The following ATAD5 variants were observed in gnomAD, a reference collection of about 807,000 sequenced individuals.
ATAD5 encodes the protein ATPase family AAA domain-containing protein 5.
A neutral mutation model predicts 176.9 loss-of-function variants in ATAD5; 58 were observed. The observed-to-expected ratio is 0.33, with a 90% CI of 0.27 to 0.41. The LOEUF (loss-of-function observed/expected upper bound fraction) is 0.41. ATAD5 is among the 10% of genes least tolerant of loss of function. The pLI, the probability that ATAD5 is intolerant of heterozygous loss-of-function variation, is 1.00. For synonymous variants in ATAD5, 640 were observed against 712.6 expected (o/e 0.90, Z 1.62); for missense variants, 1,789 against 2,094.1 (o/e 0.85, Z 2.84).
chr17:30,880,406 T>G (rs1426063930), intron 18 of ATAD5, among the ~76,000 whole-genome samples: 1 of 151,980 alleles, frequency 6.6e-6, no homozygotes, highest in South Asian at 2.1e-4. Flanking sequence ...GTCGGGAGTT[T>G]GAGACCAGCC....
At chr17:30,878,723 T>TTTG (rs1471076094) in intron 17 of ATAD5, among the ~76,000 whole-genome samples, 2 of 82,550 alleles carry the variant, frequency 2.4e-5, no homozygotes, top group Non-Finnish European at 2.3e-5. Context: ...GTGGTGTTTT[T>TTTG]TTTTTTTTTT....
chr17:30,844,858 T>C lies in ATAD5; in HGVS notation c.2392T>C (p.Phe798Leu). Reference protein sequence around the residue: ...VPGKMKVAPLFLVRKAQKAAD... With the variant: ...VPGKMKVAPLLLVRKAQKAAD... The stretch of plus-strand genomic sequence containing the variant: ...AGGAAAAATGAAAGTCGCTCCTTTA[T>C]TTCTTGTCAGAAAAGCACAAAAAGC... The change falls in exon 6 of 23, where the codon TTT becomes CTT. Residue 798 changes from phenylalanine to leucine, a missense_variant. By Grantham distance (22) the Phe-to-Leu change is conservative. Coordinates refer to ENST00000321990, the MANE Select transcript of ATAD5 (RefSeq NM_024857.5). 6.3e-7 allele frequency: 1 copy of C among 1,599,716 alleles called. No individual in the cohort carries two copies. The highest frequency in any genetic ancestry group is 8.5e-7 in the Non-Finnish European group (1 of 1,176,338).
intron 3 of ATAD5, among the ~76,000 whole-genome samples, chr17:30,838,218 G>A (rs995121036): frequency 6.6e-6 from 1 of 152,124 alleles, no homozygotes; most frequent in African/African-American, 2.4e-5. Flanking sequence ...TAGTTGTTTC[G>A]GCAAAATAAG....
chr17:30,844,097 T>G (rs903924569), intron 5 of ATAD5, 58 bp downstream of exon 5: 32 of 1,306,458 alleles, frequency 2.4e-5, no homozygotes, highest in Non-Finnish European at 3.2e-5. Context: ...GTTTTTGTTT[T>G]GTTTTGTTTT....
intron 6 of ATAD5, among the ~76,000 whole-genome samples, chr17:30,854,573 T>C (rs1235966824): frequency 1.3e-5 from 2 of 151,620 alleles, no homozygotes; most frequent in Non-Finnish European, 2.9e-5. Context: ...CGTTTCGTCA[T>C]GTTGGCCAGG....
chr17:30,894,599 T>C lies in ATAD5; in HGVS notation c.5333T>C (p.Val1778Ala). The C allele has an allele frequency of 6.2e-7, 1 of 1,612,320 alleles. No individual in the cohort carries two copies. Among genetic ancestry groups the C allele is most frequent in the Non-Finnish European group, 8.5e-7 (1 of 1,179,510 alleles). The change falls in exon 22 of 23, where the codon GTA becomes GCA. Residue 1778 changes from valine to alanine, a missense_variant. Around this residue, in one of 6 missense-constraint regions of ATAD5, gnomAD observed 403 missense variants for 495.1 expected, o/e 0.81. Coordinates refer to ENST00000321990, the MANE Select transcript of ATAD5 (RefSeq NM_024857.5). ...AAGAGGATATCAGTCATTAAAAGTG[T>C]ATTTTCGAGTCGATCTCTTCTCTAT... ...AWKRISVIKS[V>A]FSSRSLLYVG...
intron 18 of ATAD5, among the ~76,000 whole-genome samples, chr17:30,885,491 A>G (rs1909261117): frequency 1.3e-5 from 2 of 152,190 alleles, no homozygotes; most frequent in Middle Eastern, 3.2e-3. Flanking sequence ...AGTGGTAACA[A>G]TGGATATCCT....
At position 30,838,887 on chromosome 17, in the gene ATAD5, C is replaced by T. The variant is rs144585983; in HGVS notation, c.2076+1573C>T. 2.6e-3 allele frequency among the ~76,000 whole-genome samples: 393 copies of T among 152,264 alleles called. 2 individuals are homozygous for T. The highest frequency in any genetic ancestry group is 9.0e-3 in the African/African-American group (372 of 41,530). On this transcript the variant is annotated intron_variant, in intron 3 of 22. Transcript: ENST00000321990. ...TGTCAATGGACTTCTTACCACAGGG[C>T]CCTTGTTGTTCACTGAAGACTTATC... is the stretch of plus-strand genomic sequence containing the variant.
chr17:30,885,375 A>T (rs560125110), intron 18 of ATAD5, among the ~76,000 whole-genome samples: 1 of 152,020 alleles, frequency 6.6e-6, no homozygotes, highest in African/African-American at 2.4e-5. Context: ...GTACTCAATC[A>T]TGTTATCTGC....
In ATAD5 at chr17:30,893,761, A is replaced by C. The variant is rs770672661; in HGVS notation, c.4908A>C (p.Lys1636Asn). The C allele has an allele frequency of 1.5e-5, 25 of 1,614,134 alleles. No homozygotes were observed. Among genetic ancestry groups the C allele is most frequent in the Non-Finnish European group, 2.1e-5 (25 of 1,179,972 alleles). ...IPCPPKTTAG[K>N]KCSALVSHCL... ...GTCCTCCTAAAACAACTGCAGGAAA[A>C]AAATGTTCTGCCCTTGTTTCTCATT... The change falls in exon 21 of 23, where the codon AAA (lysine) becomes AAC (asparagine). Residue 1636 changes from lysine (K) to asparagine (N), a missense_variant. This residue lies in a region of ATAD5 where 403 missense variants were observed against 495.1 expected (regional missense o/e 0.81). Transcript: ENST00000321990.
At chr17:30,868,512 T>TG (rs1908135913) in intron 12 of ATAD5, 100 bp downstream of exon 12, 38 of 780,602 alleles carry the variant, frequency 4.9e-5, no homozygotes, top group African/African-American at 4.8e-4. Context: ...TTTTTTAATT[T>TG]TTTTTTTTTT....
In ATAD5 at chr17:30,892,634, T is replaced by A. The variant is rs760176493; in HGVS notation, c.4286T>A (p.Val1429Asp). The A allele has an allele frequency of 6.4e-7, 1 of 1,569,778 alleles. No homozygotes were observed. Among genetic ancestry groups the A allele is most frequent in the African/African-American group, 1.4e-5 (1 of 72,672 alleles). ...YRGNSRNVQL[V>D]CSEHGLDNKI... ...GGAAATAGCAGAAATGTACAACTAG[T>A]TTGCTCTGAACATGGCCTTGATAAC... Residue 1429 changes from valine (V) to aspartate (D), a missense_variant, in exon 20 of 23, where the codon GTT becomes GAT. Around this residue, in one of 6 missense-constraint regions of ATAD5, gnomAD observed 403 missense variants for 495.1 expected, o/e 0.81. Transcript: ENST00000321990.
Position 30,856,995 on chromosome 17 carries a change from C to G in ATAD5, c.2676C>G (p.Leu892=), listed in dbSNP as rs773866913. The change falls in exon 8 of 23, where the codon CTC becomes CTG. Residue 892 remains leucine (L), a synonymous_variant. Coordinates refer to ENST00000321990, the MANE Select transcript of ATAD5 (RefSeq NM_024857.5). Reference sequence around the variant, plus strand: ...ATTTGAAACCACCCTCTTGTCCTCTCTTAACTAAATTTAAAGAACTGAACA... The same window carrying G: ...ATTTGAAACCACCCTCTTGTCCTCTGTTAACTAAATTTAAAGAACTGAACA... ...LWHLKPPSCP[L]LTKFKELNTK... 3 of 1,605,258 alleles carry G rather than the reference C, an allele frequency of 1.9e-6. No individual in the cohort carries two copies. The highest frequency in any genetic ancestry group is 2.5e-6 in the Non-Finnish European group (3 of 1,178,082).
Position 30,832,078 on chromosome 17 carries a change from G to A in ATAD5, c.-270G>A. 1 of 382,636 alleles carries A rather than the reference G, an allele frequency of 2.6e-6. No individual in the cohort carries two copies. Among genetic ancestry groups the A allele is most frequent in the Non-Finnish European group, 4.6e-6 (1 of 216,150 alleles). The allele number at this position is 382,636 out of a possible 1,614,324, so 23.7% of individuals were successfully genotyped here. The stretch of plus-strand genomic sequence containing the variant: ...CGGTCCCGAGCGCTCAGCCTGAAGC[G>A]CCGCTTTCGAGGGCACCCTGCATAC... On this transcript the variant is annotated 5_prime_UTR_variant, in exon 1 of 23. Coordinates refer to ENST00000321990, the MANE Select transcript of ATAD5 (RefSeq NM_024857.5).
intron 6 of ATAD5, among the ~76,000 whole-genome samples, chr17:30,845,917 A>C (rs1258727149): frequency 6.6e-6 from 1 of 152,176 alleles, no homozygotes; most frequent in Non-Finnish European, 1.5e-5. Context: ...ATGACATGTA[A>C]GTTCTAGTTT....
At chr17:30,836,569 A>T (rs1028297693) in intron 2 of ATAD5, among the ~76,000 whole-genome samples, 4 of 151,272 alleles carry the variant, frequency 2.6e-5, no homozygotes, top group Non-Finnish European at 5.9e-5. Flanking sequence ...ATTTAATTTA[A>T]TTTTATTTTA....
intron 3 of ATAD5, among the ~76,000 whole-genome samples, chr17:30,839,626 C>A (rs1001197285): frequency 6.8e-6 from 1 of 146,624 alleles, no homozygotes; most frequent in Non-Finnish European, 1.5e-5. Context: ...GTTGCCCAGG[C>A]TGGAGTGCAA....
intron 4 of ATAD5, among the ~76,000 whole-genome samples, 155 bp downstream of exon 4, chr17:30,840,936 G>C (rs932992191): frequency 2.0e-5 from 3 of 152,012 alleles, no homozygotes; most frequent in African/African-American, 7.3e-5. Flanking sequence ...AAAGCCTTCT[G>C]CTTTTTTTTG....
At chr17:30,860,013 C>T (rs138101418) in intron 9 of ATAD5, among the ~76,000 whole-genome samples, 2,931 of 149,170 alleles carry the variant, frequency 0.02, 241 homozygotes, top group African/African-American at 0.067. Flanking sequence ...TGTGAGCCAC[C>T]GCGCCTGGCC....
Sources: allele counts gnomAD v4.1 joint callset (sites outside exome capture counted in the v4.1 genomes callset), GRCh38; gene constraint gnomAD v4.1.1; regional missense constraint gnomAD v4.1.1; transcripts MANE v1.5; gene names NCBI Gene and HGNC (gene_info 2026-07-23, HGNC 2026-07-21).